Variants in HIVEP1 observed in about 807,000 individuals in gnomAD.
HIVEP1 encodes the protein zinc finger protein 40.
HIVEP1 carries 36 observed loss-of-function variants against 180.0 expected under a neutral mutation model. The ratio of observed to expected loss-of-function variants is 0.20; its 90% CI spans 0.15 to 0.26. HIVEP1 has a LOEUF of 0.26. Among genes scored for constraint, HIVEP1 ranks in the 10% least tolerant of loss-of-function variants. The pLI, the probability that HIVEP1 is intolerant of heterozygous loss-of-function variation, is 1.00. For missense variants in HIVEP1, 3,143 were observed against 3,268.7 expected (o/e 0.96, Z 0.94); for synonymous variants, 1,239 against 1,239.0 (o/e 1.00, Z 0.00).
intron 2 of HIVEP1, among the ~76,000 whole-genome samples, chr6:12,017,530 C>G (rs1428127690): frequency 6.6e-6 from 1 of 151,724 alleles, no homozygotes; most frequent in Non-Finnish European, 1.5e-5. Flanking sequence ...GGGACCCAAG[C>G]AGTTGCAACT....
intron 2 of HIVEP1, among the ~76,000 whole-genome samples, chr6:12,067,299 A>T (rs1273743553): frequency 6.6e-6 from 1 of 152,172 alleles, no homozygotes; most frequent in African/African-American, 2.4e-5. Context: ...ACTATCATTT[A>T]CATTTAAAAT....
At chr6:12,098,382 G>C (rs1372108612) in intron 3 of HIVEP1, among the ~76,000 whole-genome samples, 1 of 152,106 alleles carries the variant, frequency 6.6e-6, no homozygotes, top group African/African-American at 2.4e-5. Flanking sequence ...ACGGAAGAGT[G>C]GTATGGGGAG....
intron 2 of HIVEP1, among the ~76,000 whole-genome samples, chr6:12,053,699 GAT>G (rs1352299125): frequency 6.6e-6 from 1 of 152,122 alleles, no homozygotes; most frequent in East Asian, 1.9e-4. Flanking sequence ...CTTAAGCTAG[GAT>G]ATATTTGGAG....
the HIVEP1 span, among the ~76,000 whole-genome samples, chr6:12,205,671 G>C: frequency 1.3e-5 from 2 of 152,076 alleles, no homozygotes; most frequent in African/African-American, 4.8e-5. Context: ...GTCGTTATAA[G>C]GGTTATATAA....
At chr6:12,099,616 CCCTCTCA>C (rs1244624885) in intron 3 of HIVEP1, among the ~76,000 whole-genome samples, 1 of 152,100 alleles carries the variant, frequency 6.6e-6, no homozygotes, top group Non-Finnish European at 1.5e-5. Context: ...CACACCCTCA[CCCTCTCA>C]CCTCTGCCTG....
chr6:12,017,161 C>T (rs1767831001), intron 2 of HIVEP1, among the ~76,000 whole-genome samples: 1 of 152,190 alleles, frequency 6.6e-6, no homozygotes, highest in East Asian at 1.9e-4. Context: ...CACAGATTTA[C>T]AGGCCATAGG....
the HIVEP1 span, among the ~76,000 whole-genome samples, chr6:12,180,021 T>C: frequency 6.6e-6 from 1 of 152,332 alleles, no homozygotes; most frequent in Admixed American, 6.5e-5. Context: ...TATATCAATA[T>C]GCACTCAAGA....
intron 2 of HIVEP1, among the ~76,000 whole-genome samples, chr6:12,086,778 G>T (rs1344056958): frequency 6.6e-6 from 1 of 152,030 alleles, no homozygotes; most frequent in East Asian, 1.9e-4. Flanking sequence ...ATGCACGTGG[G>T]ATATTAGTTG....
rs1757701282 is a variant in HIVEP1 at position 12,121,885 on chromosome 6, C to T, written c.2090C>T (p.Pro697Leu). The T allele has an allele frequency of 1.9e-6, 3 of 1,614,146 alleles. No individual in the cohort carries two copies. The highest frequency in any genetic ancestry group is 1.7e-5 in the Admixed American group (1 of 60,028). ...CCAACTCCCTTTGCCAGAAGGTTAC[C>T]CAGCACAGAACAAGACTCTGGAAGG... ...SPPTPFARRL[P>L]STEQDSGRSN... Residue 697 changes from proline (P) to leucine (L), a missense_variant, in exon 4 of 9, where the codon CCC becomes CTC. Physicochemically the swap from Pro to Leu is moderately conservative, Grantham distance 98. Around this residue, in one of 12 missense-constraint regions of HIVEP1, gnomAD observed 365 missense variants for 344.4 expected, o/e 1.06. Coordinates refer to ENST00000379388, the MANE Select transcript of HIVEP1 (RefSeq NM_002114.4). The surrounding 1 kb of genome is among the most constrained non-coding windows in gnomAD (Gnocchi z 5.3).
At chr6:12,046,474 A>AAC (rs2113699881) in intron 2 of HIVEP1, among the ~76,000 whole-genome samples, 1 of 152,246 alleles carries the variant, frequency 6.6e-6, no homozygotes, top group East Asian at 1.9e-4. Context: ...CAGAGCAGAC[A>AAC]CTGGAGTTAG....
chr6:12,073,900 C>T (rs992037675), intron 2 of HIVEP1, among the ~76,000 whole-genome samples: 3 of 151,998 alleles, frequency 2.0e-5, no homozygotes, highest in Non-Finnish European at 2.9e-5. Context: ...AATTTGAGTG[C>T]CCCCGGTTGG....
Position 12,124,927 on chromosome 6 carries a change from C to T in HIVEP1, c.5132C>T (p.Ser1711Leu). The change falls in exon 4 of 9, where the codon TCA becomes TTA. Residue 1711 changes from serine (S) to leucine (L), a missense_variant. Transcript: ENST00000379388. ...EKEFLCENVF[S>L]EMSQNSSLSE... is the part of the protein sequence containing the mutation. The stretch of plus-strand genomic sequence containing the variant: ...GAATTTCTATGTGAAAATGTTTTTT[C>T]AGAGATGAGCCAAAATTCTTCTCTA... 6.2e-7 allele frequency: 1 copy of T among 1,613,800 alleles called. No homozygotes were observed. The highest frequency in any genetic ancestry group is 8.5e-7 in the Non-Finnish European group (1 of 1,179,926).
chr6:12,009,235 G>A (rs953757970), upstream of HIVEP1, among the ~76,000 whole-genome samples: 4 of 149,906 alleles, frequency 2.7e-5, no homozygotes, highest in African/African-American at 9.7e-5. Flanking sequence ...GGCCGCGTGG[G>A]AACCCGAGCC....
At chr6:12,111,313 C>T (rs145339443) in intron 3 of HIVEP1, among the ~76,000 whole-genome samples, 2 of 152,346 alleles carry the variant, frequency 1.3e-5, no homozygotes, top group East Asian at 1.9e-4. Context: ...ACAGTATCTG[C>T]GAAGCTCAAC....
chr6:12,143,197 C>T (rs773252472), intron 7 of HIVEP1, among the ~76,000 whole-genome samples: 2 of 152,148 alleles, frequency 1.3e-5, no homozygotes, highest in Non-Finnish European at 1.5e-5. Flanking sequence ...ATGATCAAGT[C>T]GGCTTCATCC....
intron 7 of HIVEP1, among the ~76,000 whole-genome samples, chr6:12,154,822 A>G (rs1234124039): frequency 6.6e-6 from 1 of 152,138 alleles, no homozygotes; most frequent in Non-Finnish European, 1.5e-5. Flanking sequence ...AGTATAATAA[A>G]TTTTTTAAAA....
intron 2 of HIVEP1, among the ~76,000 whole-genome samples, chr6:12,084,432 G>A (rs1383426444): frequency 6.6e-6 from 1 of 152,044 alleles, no homozygotes; most frequent in Non-Finnish European, 1.5e-5. Flanking sequence ...TTGTAAAGGT[G>A]GGTTTACTCA....
At chr6:12,049,870 A>C (rs185760697) in intron 2 of HIVEP1, among the ~76,000 whole-genome samples, 2 of 152,134 alleles carry the variant, frequency 1.3e-5, no homozygotes, top group Admixed American at 1.3e-4. Flanking sequence ...TTCCTTTTTG[A>C]TGTAACTGTT....
chr6:12,181,317 G>A, the HIVEP1 span, among the ~76,000 whole-genome samples: 8 of 151,896 alleles, frequency 5.3e-5, no homozygotes, highest in Non-Finnish European at 8.8e-5. Flanking sequence ...CTGAGATTGC[G>A]CCACTGCACT....
Sources: gnomAD v4.1 joint callset for allele counts (sites outside exome capture counted in the v4.1 genomes callset) on GRCh38, gnomAD v4.1.1 for gene constraint, gnomAD v4.1.1 regional missense constraint, Gnocchi (gnomAD v3.1) non-coding constraint, MANE v1.5 for transcripts, NCBI Gene and HGNC (gene_info 2026-07-23, HGNC 2026-07-21) for gene names.